The following DEPDC5 variants were observed in gnomAD, a reference collection of about 807,000 sequenced individuals.
DEPDC5 encodes the protein DEP domain containing 5, GATOR1 subcomplex subunit.
Under a neutral mutation model 217.3 loss-of-function variants are expected in DEPDC5, and 73 were observed. That is an observed-to-expected ratio of 0.34 (90% confidence interval 0.28 to 0.41). The LOEUF (loss-of-function observed/expected upper bound fraction) is 0.41. DEPDC5 is among the 10% of genes least tolerant of loss of function. The pLI, the probability that DEPDC5 is intolerant of heterozygous loss-of-function variation, is 1.00. For synonymous variants in DEPDC5, 733 were observed against 756.7 expected (o/e 0.97, Z 0.51); for missense variants, 1,675 against 2,070.1 (o/e 0.81, Z 3.70).
chr22:31,877,774 ACAG>A (rs2093046012), intron 37 of DEPDC5, among the ~76,000 whole-genome samples: 1 of 135,504 alleles, frequency 7.4e-6, no homozygotes, highest in Non-Finnish European at 1.6e-5. Context: ...AAAAAAAAAA[ACAG>A]CAAAAACAGA....
At chr22:31,764,627 G>A (rs2082662754) in intron 4 of DEPDC5, among the ~76,000 whole-genome samples, 2 of 152,102 alleles carry the variant, frequency 1.3e-5, no homozygotes, top group South Asian at 4.1e-4. Context: ...TGTTGGCCAG[G>A]CTGGTCTCGA....
chr22:31,884,535 C>T lies in DEPDC5; in HGVS notation c.4033+4783C>T, dbSNP rs151231865. 7.2e-4 allele frequency among the ~76,000 whole-genome samples: 109 copies of T among 152,314 alleles called. No individual in the cohort carries two copies. The South Asian group carries it at 7.5e-3, about 10-fold the overall frequency. On this transcript the variant is annotated intron_variant, in intron 38 of 42. Coordinates refer to ENST00000651528, the MANE Select transcript of DEPDC5 (RefSeq NM_001242896.3). ...ACTCCTCCTTTAAACCCTTACCTTG[C>T]TTGGCTCTCCTTCTTCATTTTAAAA... is the stretch of plus-strand genomic sequence containing the variant.
At chr22:31,890,475 C>T (rs1455736923) in intron 38 of DEPDC5, 1 of 151,952 alleles carries the variant, frequency 6.6e-6, no homozygotes, top group Non-Finnish European at 1.5e-5. Context: ...CTTCGGGGGC[C>T]GAGGTGGGCA....
At chr22:31,825,602 G>T (rs2090079745) in intron 24 of DEPDC5, among the ~76,000 whole-genome samples, 1 of 151,996 alleles carries the variant, frequency 6.6e-6, no homozygotes. Context: ...CTTCTGATTG[G>T]CTCCTCACCT....
chr22:31,820,705 C>A (rs1461324759), intron 22 of DEPDC5, among the ~76,000 whole-genome samples: 1 of 152,154 alleles, frequency 6.6e-6, no homozygotes, highest in African/African-American at 2.4e-5. Context: ...TTCATCTTTT[C>A]ATGCTTCTGT....
chr22:31,821,009 A>G (rs1375071174), intron 22 of DEPDC5, among the ~76,000 whole-genome samples: 2 of 152,184 alleles, frequency 1.3e-5, no homozygotes, highest in Non-Finnish European at 2.9e-5. Flanking sequence ...TTAGCTCTAC[A>G]AGTTCTCCTT....
At chr22:31,780,226 G>T (rs2084285109) in intron 8 of DEPDC5, among the ~76,000 whole-genome samples, 1 of 152,160 alleles carries the variant, frequency 6.6e-6, no homozygotes, top group Admixed American at 6.5e-5. Context: ...ACAATGGAAG[G>T]ATGTGGGCAG....
chr22:31,810,616 C>CACCTCACT lies in DEPDC5; in HGVS notation c.1420_1421insACCTCACT (p.Arg474HisfsTer46). 1 of 1,614,170 alleles carries CACCTCACT rather than the reference C, an allele frequency of 6.2e-7. No homozygotes were observed. ...AGTGTTCAGGCTGCCCGGCCCATCC[C>CACCTCACT]GGGCCCAGTGCCTCACCACCTGCAG... is the stretch of plus-strand genomic sequence containing the variant. On this transcript the variant is annotated frameshift_variant, in exon 20 of 43. Transcript: ENST00000651528. LOFTEE classifies it high-confidence loss of function.
At chr22:31,861,470 C>T in intron 33 of DEPDC5, 37 bp downstream of exon 33, 2 of 1,549,328 alleles carry the variant, frequency 1.3e-6, no homozygotes, top group Middle Eastern at 3.5e-4. Context: ...GCCTGTCCCA[C>T]TGGCAGACGC....
chr22:31,868,647 G>A (rs1602572209), intron 33 of DEPDC5, among the ~76,000 whole-genome samples: 1 of 152,040 alleles, frequency 6.6e-6, no homozygotes, highest in Non-Finnish European at 1.5e-5. Flanking sequence ...GGGTGGCCTC[G>A]AACTCCTGGA....
At chr22:31,818,716 A>G (rs1174471667) in intron 21 of DEPDC5, among the ~76,000 whole-genome samples, 1 of 152,186 alleles carries the variant, frequency 6.6e-6, no homozygotes, top group Non-Finnish European at 1.5e-5. Context: ...AAGTCCCATC[A>G]TTCAGTCATT....
rs188314869 is a variant in DEPDC5, at chr22:31,799,662, C to T, written c.946+1006C>T. On this transcript the variant is annotated intron_variant, in intron 14 of 42. Transcript: ENST00000651528. ...GACTACAGGTGTGCACCACCATGCC[C>T]GGCTAATTTTTGTGTTTTTAGTAGA... Among the ~76,000 whole-genome samples, 8 of 150,406 alleles carry T rather than the reference C, an allele frequency of 5.3e-5. 1 individual carries two copies. Among genetic ancestry groups the T allele is most frequent in the South Asian group, 4.2e-4 (2 of 4,708 alleles).
intron 10 of DEPDC5, among the ~76,000 whole-genome samples, chr22:31,788,691 A>G (rs1022313045): frequency 6.6e-6 from 1 of 151,700 alleles, no homozygotes; most frequent in Non-Finnish European, 1.5e-5. Context: ...CTCCTGCTTC[A>G]GCCTCCCGAA....
At chr22:31,850,828 TG>T (rs2091983577) in intron 31 of DEPDC5, among the ~76,000 whole-genome samples, 1 of 152,192 alleles carries the variant, frequency 6.6e-6, no homozygotes, top group South Asian at 2.1e-4. Flanking sequence ...CCCAGCACTT[TG>T]GGAGGCTGAG....
rs2088936455 is a variant in DEPDC5, at chr22:31,815,259, A to G, written c.1666+47A>G. ...CAGAGCCAGGGACATCTTTCTTAAT[A>G]TAGTGGGTGACTGGAGGTGGGAGGA... is the stretch of plus-strand genomic sequence containing the variant. On this transcript the variant is annotated intron_variant, in intron 21 of 42. Transcript: ENST00000651528. 7 of 1,600,134 alleles carry G rather than the reference A, an allele frequency of 4.4e-6. No homozygotes were observed. The South Asian group carries it at 7.7e-5, about 18-fold the overall frequency.
At chr22:31,817,989 G>GTTC (rs1183966107) in intron 21 of DEPDC5, among the ~76,000 whole-genome samples, 2 of 152,124 alleles carry the variant, frequency 1.3e-5, no homozygotes, top group Non-Finnish European at 2.9e-5. Flanking sequence ...AGTGTATGAG[G>GTTC]TTCTGTGCTA....
chr22:31,871,896 T>C (rs562894092), intron 34 of DEPDC5, among the ~76,000 whole-genome samples: 7 of 152,338 alleles, frequency 4.6e-5, no homozygotes, highest in Admixed American at 2.0e-4. Context: ...TTCTTTGCCA[T>C]TGAAGATGTT....
chr22:31,773,676 G>A (rs984762684), intron 7 of DEPDC5, among the ~76,000 whole-genome samples: 6 of 152,068 alleles, frequency 3.9e-5, no homozygotes, highest in African/African-American at 1.5e-4. Context: ...TGGGCCTCCT[G>A]TGAGAAAAAT....
At chr22:31,844,953 T>C in intron 29 of DEPDC5, 65 bp from the exon 30 acceptor site, 1 of 1,546,376 alleles carries the variant, frequency 6.5e-7, no homozygotes, top group Non-Finnish European at 8.9e-7. Context: ...ACAGAGAGTT[T>C]ACTGAGAGTG....
Sources: allele counts gnomAD v4.1 joint callset (sites outside exome capture counted in the v4.1 genomes callset), GRCh38; gene constraint gnomAD v4.1.1; transcripts MANE v1.5; gene names NCBI Gene and HGNC (gene_info 2026-07-23, HGNC 2026-07-21).